Variants in PRIM2 observed in about 807,000 individuals in gnomAD.
PRIM2 encodes DNA primase subunit 2, also known as DNA primase large subunit.
Under a neutral mutation model 67.3 loss-of-function variants are expected in PRIM2, and 39 were observed. The ratio of observed to expected loss-of-function variants is 0.58; its 90% confidence interval spans 0.45 to 0.76. PRIM2 has a LOEUF of 0.76. PRIM2 is among the 30% of genes least tolerant of loss of function. The probability of loss-of-function intolerance (pLI) is 0.00; values close to 1 mark genes in which losing one functional copy is unlikely to be tolerated. For missense variants in PRIM2, 398 were observed against 598.7 expected (o/e 0.66, Z 3.50); for synonymous variants, 143 against 198.7 (o/e 0.72, Z 2.36).
chr6:57,566,399 A>G (rs1775742050), intron 10 of PRIM2, among the ~76,000 whole-genome samples: 1 of 152,090 alleles, frequency 6.6e-6, no homozygotes, highest in African/African-American at 2.4e-5. Context: ...AATCACTTAT[A>G]TTATTTTTAT....
chr6:57,442,345 T>C (rs902328502), intron 7 of PRIM2, among the ~76,000 whole-genome samples: 1 of 152,036 alleles, frequency 6.6e-6, no homozygotes, highest in African/African-American at 2.4e-5. Context: ...GGTTCATTTG[T>C]GAGACACAGC....
the PRIM2 span, among the ~76,000 whole-genome samples, chr6:57,233,758 G>A: frequency 6.6e-6 from 1 of 151,572 alleles, no homozygotes; most frequent in African/African-American, 2.4e-5. Flanking sequence ...CAAGTGATTC[G>A]ATCCTTCTGC....
intron 7 of PRIM2, among the ~76,000 whole-genome samples, chr6:57,485,455 A>G (rs1773731804): frequency 6.6e-6 from 1 of 152,096 alleles, no homozygotes; most frequent in Non-Finnish European, 1.5e-5. Context: ...GGGTAGAGAT[A>G]GGTCATGTGA....
At chr6:57,515,037 T>C (rs1554348098) in intron 8 of PRIM2, among the ~76,000 whole-genome samples, 2,106 of 152,268 alleles carry the variant, frequency 0.014, 41 homozygotes, top group South Asian at 0.039. Context: ...TATAAAATCA[T>C]CTCCCTCCCT....
chr6:57,412,686 AAAT>A (rs1165235538), intron 7 of PRIM2, among the ~76,000 whole-genome samples: 1 of 152,092 alleles, frequency 6.6e-6, no homozygotes, highest in African/African-American at 2.4e-5. Flanking sequence ...GTTACTTGGG[AAAT>A]AATTTTTTAA....
intron 10 of PRIM2, chr6:57,587,088 A>G (rs1776202568): frequency 6.6e-6 from 1 of 152,218 alleles, no homozygotes; most frequent in Admixed American, 6.5e-5. Context: ...AACACACAGA[A>G]TAATTAAACT....
At chr6:57,313,137 T>G (rs1204270641), upstream of PRIM2, among the ~76,000 whole-genome samples, 2 of 152,218 alleles carry the variant, frequency 1.3e-5, no homozygotes, top group East Asian at 3.8e-4. Context: ...CTCCTAAAGA[T>G]AGACATGACT....
At chr6:57,595,585 A>T (rs1404126752) in intron 10 of PRIM2, among the ~76,000 whole-genome samples, 2 of 152,186 alleles carry the variant, frequency 1.3e-5, no homozygotes, top group Non-Finnish European at 2.9e-5. Context: ...CACAAGTGGG[A>T]GGTTACCACA....
At chr6:57,456,046 G>A (rs1381964297) in intron 7 of PRIM2, among the ~76,000 whole-genome samples, 1 of 152,164 alleles carries the variant, frequency 6.6e-6, no homozygotes, top group Non-Finnish European at 1.5e-5. Context: ...CACTTATGAA[G>A]CTTAGTTTGG....
chr6:57,575,118 C>T (rs1775939501), intron 10 of PRIM2, among the ~76,000 whole-genome samples: 1 of 152,162 alleles, frequency 6.6e-6, no homozygotes, highest in Non-Finnish European at 1.5e-5. Context: ...TCAAACATAA[C>T]ATGGCCCAGA....
intron 5 of PRIM2, among the ~76,000 whole-genome samples, chr6:57,352,601 A>G (rs1236730237): frequency 1.3e-5 from 2 of 152,086 alleles, no homozygotes; most frequent in East Asian, 3.8e-4. Context: ...GGTTGAATAT[A>G]TGTTTTTCTT....
intron 7 of PRIM2, among the ~76,000 whole-genome samples, chr6:57,464,321 A>G (rs2397312): frequency 2.0e-5 from 3 of 150,554 alleles, no homozygotes; most frequent in Non-Finnish European, 2.9e-5. Flanking sequence ...TCTGTCACCC[A>G]GGCTGGAGGG....
intron 8 of PRIM2, among the ~76,000 whole-genome samples, chr6:57,507,929 TTTTTAA>T (rs1175772711): frequency 6.6e-6 from 1 of 152,164 alleles, no homozygotes; most frequent in African/African-American, 2.4e-5. Context: ...CTTTCTATGT[TTTTTAA>T]TTTTAATTTT....
At chr6:57,422,158 C>CTT (rs575958629) in intron 7 of PRIM2, among the ~76,000 whole-genome samples, 3 of 103,326 alleles carry the variant, frequency 2.9e-5, no homozygotes, top group East Asian at 2.8e-4. Context: ...TCTTTTCTTT[C>CTT]TTTTTTTTTT....
the PRIM2 span, among the ~76,000 whole-genome samples, chr6:57,224,321 A>C: frequency 6.6e-6 from 1 of 152,216 alleles, no homozygotes; most frequent in Non-Finnish European, 1.5e-5. Flanking sequence ...AAGCTTGAAG[A>C]CATTATGCCT....
At chr6:57,483,301 A>G (rs1293858134) in intron 7 of PRIM2, among the ~76,000 whole-genome samples, 1 of 152,186 alleles carries the variant, frequency 6.6e-6, no homozygotes, top group African/African-American at 2.4e-5. Context: ...GCACAATACA[A>G]TCTTTCATTA....
At chr6:57,536,424 T>A (rs2127469679) in intron 9 of PRIM2, among the ~76,000 whole-genome samples, 1 of 152,360 alleles carries the variant, frequency 6.6e-6, no homozygotes, top group Admixed American at 6.5e-5. Context: ...ATGAGAAGTT[T>A]CTCTTATTTT....
intron 7 of PRIM2, among the ~76,000 whole-genome samples, chr6:57,430,119 T>G (rs1360585466): frequency 1.4e-4 from 22 of 152,178 alleles, no homozygotes; most frequent in African/African-American, 5.3e-4. Context: ...TGTGAATTGT[T>G]AGTTCAGTCA....
the PRIM2 span, among the ~76,000 whole-genome samples, chr6:57,268,271 G>C: frequency 6.6e-6 from 1 of 152,158 alleles, no homozygotes; most frequent in African/African-American, 2.4e-5. Context: ...ACCAGGTGGT[G>C]CTCCAATTAC....
Sources: allele counts gnomAD v4.1 joint callset (sites outside exome capture counted in the v4.1 genomes callset), GRCh38; gene constraint gnomAD v4.1.1; transcripts MANE v1.5; gene names NCBI Gene and HGNC (gene_info 2026-07-23, HGNC 2026-07-21).